Variants in CCND3 observed in about 807,000 individuals in gnomAD.
CCND3 encodes cyclin D3, also known as G1/S-specific cyclin-D3.
Under a neutral mutation model 28.7 loss-of-function variants are expected in CCND3, and 9 were observed. The observed-to-expected ratio is 0.31, with a 90% CI of 0.19 to 0.55. The LOEUF is 0.55. Among genes scored for constraint, CCND3 ranks in the 20% least tolerant of loss-of-function variants. The probability of loss-of-function intolerance (pLI) is 0.93; values close to 1 mark genes in which losing one functional copy is unlikely to be tolerated. For synonymous variants in CCND3, 164 were observed against 163.9 expected, an observed-to-expected ratio of 1.00 and a Z score of 0.00; for missense variants, 315 against 385.8, an observed-to-expected ratio of 0.82 and a Z score of 1.54.
chr6:41,979,533 CAAAAAA>C (rs767526428), intron 1 of CCND3, among the ~76,000 whole-genome samples: 4 of 97,016 alleles, frequency 4.1e-5, no homozygotes, highest in Admixed American at 1.1e-4. Context: ...GACTCCACTT[CAAAAAA>C]AAAAAAAAAA....
Position 41,948,784 on chromosome 6 carries a change from T to C in CCND3, c.-45-8199A>G, listed in dbSNP as rs571213668. On this transcript the variant is annotated intron_variant, in intron 1 of 4. Transcript: ENST00000372988. ...GAACCGGGACCCGGGAAGCGGAGGT[T>C]GCAGTGAGCTGAGATCGTGCCACTG... is the stretch of plus-strand genomic sequence containing the variant. Among the ~76,000 whole-genome samples, 114 of 149,340 alleles carry C rather than the reference T, an allele frequency of 7.6e-4. 2 individuals carry two copies. In the South Asian group the frequency reaches 0.023, roughly 30 times the overall value.
intron 1 of CCND3, among the ~76,000 whole-genome samples, chr6:42,016,929 T>TC (rs1561988705): frequency 6.6e-6 from 1 of 152,166 alleles, no homozygotes; most frequent in African/African-American, 2.4e-5. Flanking sequence ...AACTACAACA[T>TC]AATGACCTGC....
chr6:41,999,302 G>A (rs564374521), intron 1 of CCND3, among the ~76,000 whole-genome samples: 2 of 152,192 alleles, frequency 1.3e-5, no homozygotes, highest in East Asian at 1.9e-4. Flanking sequence ...GGGCTGGAGT[G>A]CAATGGCACA....
intron 1 of CCND3, among the ~76,000 whole-genome samples, chr6:42,005,619 G>C (rs1763154594): frequency 6.6e-6 from 1 of 151,338 alleles, no homozygotes; most frequent in African/African-American, 2.4e-5. Flanking sequence ...CAGAACTTGA[G>C]GAGCCCAAGG....
At chr6:42,009,806 C>G (rs1293911591) in intron 1 of CCND3, among the ~76,000 whole-genome samples, 1 of 151,464 alleles carries the variant, frequency 6.6e-6, no homozygotes, top group Non-Finnish European at 1.5e-5. Context: ...GACCCTGTCT[C>G]AAAAAAAATA....
At chr6:41,949,096 C>T (rs994252174) in intron 1 of CCND3, among the ~76,000 whole-genome samples, 4 of 152,156 alleles carry the variant, frequency 2.6e-5, no homozygotes, top group Admixed American at 6.5e-5. Context: ...CGCCTGCAAT[C>T]CCTGCACTTT....
chr6:42,027,312 C>T (rs1267314203), intron 1 of CCND3, among the ~76,000 whole-genome samples: 10 of 152,026 alleles, frequency 6.6e-5, no homozygotes, highest in Admixed American at 4.6e-4. Flanking sequence ...TGGTGGCAGG[C>T]GCCTATAGTC....
chr6:42,042,055 A>C (rs1488044214), intron 1 of CCND3, among the ~76,000 whole-genome samples: 1 of 152,260 alleles, frequency 6.6e-6, no homozygotes, highest in Non-Finnish European at 1.5e-5. Context: ...TTTCTGGGAC[A>C]GCCCCAGCTT....
At chr6:42,034,756 G>A (rs1409598581) in intron 1 of CCND3, among the ~76,000 whole-genome samples, 3 of 152,076 alleles carry the variant, frequency 2.0e-5, no homozygotes, top group Admixed American at 6.6e-5. Context: ...GGAATTACCG[G>A]CTTGAGCCAT....
chr6:42,017,733 T>C (rs1158710267), intron 1 of CCND3, among the ~76,000 whole-genome samples: 3 of 151,908 alleles, frequency 2.0e-5, no homozygotes, highest in Non-Finnish European at 4.4e-5. Flanking sequence ...GAATGTGACA[T>C]AGGCATTTAA....
chr6:42,015,836 T>C (rs1300519705), intron 1 of CCND3, among the ~76,000 whole-genome samples: 2 of 152,180 alleles, frequency 1.3e-5, no homozygotes, highest in African/African-American at 2.4e-5. Context: ...CTAATTAACA[T>C]ATGCATTGCC....
At chr6:41,940,276 CA>C in intron 2 of CCND3, 93 bp downstream of exon 2, 1 of 1,138,262 alleles carries the variant, frequency 8.8e-7, no homozygotes, top group Non-Finnish European at 1.3e-6. Context: ...GCTTCCTCTC[CA>C]GGGGGCAGAA....
chr6:41,966,441 G>C (rs1213760688), intron 1 of CCND3, among the ~76,000 whole-genome samples: 1 of 152,022 alleles, frequency 6.6e-6, no homozygotes, highest in African/African-American at 2.4e-5. Flanking sequence ...GAATTCTGAT[G>C]GCCCTGTTAT....
intron 1 of CCND3, among the ~76,000 whole-genome samples, chr6:41,986,822 G>A (rs1288541740): frequency 6.6e-6 from 1 of 151,936 alleles, no homozygotes; most frequent in South Asian, 2.1e-4. Context: ...GTGAGAATGG[G>A]CATCCTTGTC....
In CCND3 at chr6:41,970,757, C is replaced by T. The variant is rs145250288; in HGVS notation, c.-45-30172G>A. Among the ~76,000 whole-genome samples the T allele has an allele frequency of 1.9e-3, 295 of 152,308 alleles. 1 individual carries two copies. The highest frequency in any genetic ancestry group is 6.7e-3 in the African/African-American group (280 of 41,572). ...GAAAGTCGAATGGGTGCCCAACTGA[C>T]AGTGCCTGTGAGAAATAATGAATCA... On this transcript the variant is annotated intron_variant, in intron 1 of 4. Transcript: ENST00000372988.
At chr6:41,946,476 C>CT (rs772495625), upstream of CCND3, among the ~76,000 whole-genome samples, 30 of 151,394 alleles carry the variant, frequency 2.0e-4, no homozygotes, top group Non-Finnish European at 3.7e-4. Flanking sequence ...TGGCGCACGC[C>CT]TGTAGTCCCA....
chr6:41,962,759 A>AT (rs11440956), intron 1 of CCND3, among the ~76,000 whole-genome samples: 119,079 of 151,174 alleles, frequency 0.79, 46,974 homozygotes, highest in African/African-American at 0.84. Flanking sequence ...CAAAAAAATA[A>AT]TTTTTTTTTG....
chr6:41,937,445 G>A (rs1230601141), intron 2 of CCND3, 51 bp from the exon 3 acceptor site: 1 of 1,606,032 alleles, frequency 6.2e-7, no homozygotes, highest in African/African-American at 1.3e-5. Flanking sequence ...GTGAAGAGGA[G>A]GGAGCAAAGC....
intron 1 of CCND3, among the ~76,000 whole-genome samples, chr6:41,976,936 T>C (rs1043410965): frequency 6.6e-6 from 1 of 152,106 alleles, no homozygotes; most frequent in Non-Finnish European, 1.5e-5. Context: ...CAGCAGTCCC[T>C]AAACCAGACT....
Sources: gnomAD v4.1 joint callset for allele counts (sites outside exome capture counted in the v4.1 genomes callset) on GRCh38, gnomAD v4.1.1 for gene constraint, MANE v1.5 for transcripts, NCBI Gene and HGNC (gene_info 2026-07-23, HGNC 2026-07-21) for gene names.